The following AFF3 variants were observed in gnomAD, a reference collection of about 807,000 sequenced individuals.
AFF3 encodes the protein ALF transcription elongation factor 3, also known as AF4/FMR2 family member 3.
A neutral mutation model predicts 129.7 loss-of-function variants in AFF3; 32 were observed. The observed-to-expected ratio is 0.25, with a 90% CI of 0.19 to 0.33. AFF3 has a LOEUF of 0.33. Ranked by LOEUF, AFF3 falls within the 10% of genes least tolerant of loss-of-function variation. The pLI is 1.00. For missense variants in AFF3, 1,373 were observed against 1,592.0 expected, an observed-to-expected ratio of 0.86 and a Z score of 2.34; for synonymous variants, 644 against 635.4, an observed-to-expected ratio of 1.01 and a Z score of -0.20.
At chr2:99,622,299 G>A (rs146816687) in intron 13 of AFF3, among the ~76,000 whole-genome samples, 334 of 152,264 alleles carry the variant, frequency 2.2e-3, no homozygotes, top group Non-Finnish European at 3.8e-3. Flanking sequence ...TGGCTCCCAC[G>A]TGCAGACGCT....
At chr2:99,611,078 C>T (rs1005837008) in intron 13 of AFF3, among the ~76,000 whole-genome samples, 12 of 152,108 alleles carry the variant, frequency 7.9e-5, no homozygotes, top group African/African-American at 2.2e-4. Flanking sequence ...CTTCATTCTG[C>T]GGTTGAGCTC....
At chr2:100,085,820 A>G (rs1386486305) in intron 4 of AFF3, among the ~76,000 whole-genome samples, 3 of 151,994 alleles carry the variant, frequency 2.0e-5, no homozygotes, top group African/African-American at 7.3e-5. Flanking sequence ...GCTTCTTCAG[A>G]GCAGGGGCCA....
rs1674240258 is a variant in AFF3, at chr2:99,549,238, CTTAAG to C, written c.*2231_*2235del. 4.8e-6 allele frequency: 1 copy of C among 207,806 alleles called. No homozygotes were observed. Among genetic ancestry groups the C allele is most frequent in the Non-Finnish European group, 9.8e-6 (1 of 101,954 alleles). 12.9% of individuals were successfully genotyped at this position (207,806 alleles called of 1,614,324 possible). On this transcript the variant is annotated 3_prime_UTR_variant, in exon 25 of 25. Transcript: ENST00000672756. Reference sequence around the variant, plus strand: ...CCTCCAAAAAAATGACTCAAAATTTCTTAAGTTAGGTTCAAGTTTCTGACATAGGA... The same window carrying C: ...CCTCCAAAAAAATGACTCAAAATTTCTTAGGTTCAAGTTTCTGACATAGGA...
chr2:99,578,528 G>A (rs927894865), intron 17 of AFF3, 77 bp from the exon 18 acceptor site: 16 of 1,560,998 alleles, frequency 1.0e-5, no homozygotes, highest in East Asian at 7.0e-5. Flanking sequence ...ACATACATAC[G>A]TAGAATATCT....
chr2:100,106,297 C>A, intron 2 of AFF3: 1 of 1,169,012 alleles, frequency 8.6e-7, no homozygotes, highest in Admixed American at 3.8e-5. Flanking sequence ...ACTCTCAGCC[C>A]TCAAAAACCC....
chr2:99,839,836 T>A (rs1689184704), intron 7 of AFF3, among the ~76,000 whole-genome samples: 1 of 151,754 alleles, frequency 6.6e-6, no homozygotes, highest in African/African-American at 2.4e-5. Context: ...GGTCTTGAAC[T>A]CCTGACCTTG....
Position 99,583,007 on chromosome 2 carries a change from A to T in AFF3, c.2592-8T>A, listed in dbSNP as rs368970349. On this transcript the variant is annotated splice_region_variant and splice_polypyrimidine_tract_variant and intron_variant, in intron 16 of 24. Transcript: ENST00000672756. ...TTTATTGGTATTGCCACACTGAAAA[A>T]GGAAATTACGGTAATGGAATGTTAC... 20 of 1,612,798 alleles carry T rather than the reference A, an allele frequency of 1.2e-5. No individual in the cohort carries two copies. Among genetic ancestry groups the T allele is most frequent in the Non-Finnish European group, 1.5e-5 (18 of 1,178,992 alleles).
chr2:99,844,499 G>A (rs1231708048), intron 7 of AFF3, among the ~76,000 whole-genome samples: 2 of 143,088 alleles, frequency 1.4e-5, no homozygotes, highest in Non-Finnish European at 3.0e-5. Context: ...GCACAGTGGC[G>A]CCATCTCGGC....
intron 14 of AFF3, among the ~76,000 whole-genome samples, chr2:99,599,666 G>A (rs1679629378): frequency 1.3e-5 from 2 of 152,174 alleles, no homozygotes; most frequent in South Asian, 4.1e-4. Flanking sequence ...AAGCCACAAG[G>A]AGGAGCCTGG....
At chr2:99,577,612 T>C (rs1677124736) in intron 18 of AFF3, among the ~76,000 whole-genome samples, 1 of 152,372 alleles carries the variant, frequency 6.6e-6, no homozygotes, top group South Asian at 2.1e-4. Context: ...GTAGGACTGC[T>C]AAAGCTGAAA....
intron 9 of AFF3, among the ~76,000 whole-genome samples, chr2:99,746,115 G>C (rs1575851503): frequency 1.3e-5 from 2 of 149,936 alleles, no homozygotes; most frequent in South Asian, 2.1e-4. Flanking sequence ...TACCCCAAAA[G>C]CTATTAAAAT....
At chr2:99,850,819 A>G (rs1690090235) in intron 7 of AFF3, among the ~76,000 whole-genome samples, 2 of 152,254 alleles carry the variant, frequency 1.3e-5, no homozygotes, top group Non-Finnish European at 2.9e-5. Flanking sequence ...TAAAAGTACC[A>G]ATCTAAAATT....
intron 7 of AFF3, among the ~76,000 whole-genome samples, chr2:99,842,502 T>C (rs1689392175): frequency 1.3e-5 from 2 of 152,178 alleles, no homozygotes; most frequent in Non-Finnish European, 2.9e-5. Context: ...TTGCTCCGTA[T>C]TTACTCCAAC....
At chr2:99,966,322 G>A (rs1026068976) in intron 7 of AFF3, among the ~76,000 whole-genome samples, 2 of 152,024 alleles carry the variant, frequency 1.3e-5, no homozygotes, top group Non-Finnish European at 2.9e-5. Flanking sequence ...CTGCCTAAAG[G>A]GTCATTTGTT....
At chr2:99,836,654 A>G (rs1376128337) in intron 8 of AFF3, among the ~76,000 whole-genome samples, 1 of 151,950 alleles carries the variant, frequency 6.6e-6, no homozygotes, top group Non-Finnish European at 1.5e-5. Context: ...ACTAGCAATT[A>G]AAAAAAAGTG....
chr2:100,128,254 T>C (rs1378850034), intron 2 of AFF3, among the ~76,000 whole-genome samples: 2 of 152,198 alleles, frequency 1.3e-5, no homozygotes, highest in Non-Finnish European at 2.9e-5. Flanking sequence ...AAACTTGTTT[T>C]CACTTGACTC....
chr2:99,864,116 G>A (rs977105741), intron 7 of AFF3, among the ~76,000 whole-genome samples: 2 of 152,178 alleles, frequency 1.3e-5, no homozygotes, highest in African/African-American at 2.4e-5. Flanking sequence ...CAGCCACTGT[G>A]GTCTTGCAGA....
intron 8 of AFF3, 149 bp downstream of exon 8, chr2:99,837,328 G>T: frequency 5.6e-6 from 4 of 712,052 alleles, no homozygotes; most frequent in Non-Finnish European, 9.2e-6. Context: ...TAACAGAAGT[G>T]TTGTTTCAAA....
chr2:100,092,549 T>C (rs1359742437), intron 4 of AFF3, among the ~76,000 whole-genome samples: 1 of 152,194 alleles, frequency 6.6e-6, no homozygotes, highest in Non-Finnish European at 1.5e-5. Flanking sequence ...TTGAGCTCCT[T>C]AGAAAGCCAT....
Sources: allele counts gnomAD v4.1 joint callset (sites outside exome capture counted in the v4.1 genomes callset), GRCh38; gene constraint gnomAD v4.1.1; transcripts MANE v1.5; gene names NCBI Gene and HGNC (gene_info 2026-07-23, HGNC 2026-07-21).